The following KIF16B variants were observed in gnomAD, a reference collection of about 807,000 sequenced individuals.
The protein encoded by KIF16B is kinesin family member 16B, also known as kinesin-like protein KIF16B.
A neutral mutation model predicts 156.3 loss-of-function variants in KIF16B; 98 were observed. That is an observed-to-expected ratio of 0.63 (90% confidence interval 0.53 to 0.74). The LOEUF (loss-of-function observed/expected upper bound fraction) is 0.74. Among genes scored for constraint, KIF16B ranks in the 30% least tolerant of loss-of-function variants. The probability of loss-of-function intolerance (pLI) is 0.00; values close to 1 mark genes in which losing one functional copy is unlikely to be tolerated. For missense variants in KIF16B, 1,421 were observed against 1,606.5 expected (o/e 0.88, Z 1.97); for synonymous variants, 564 against 583.7 (o/e 0.97, Z 0.49).
chr20:16,386,699 T>G (rs1264991382), intron 17 of KIF16B, among the ~76,000 whole-genome samples: 1 of 151,926 alleles, frequency 6.6e-6, no homozygotes, highest in Non-Finnish European at 1.5e-5. Context: ...CAGAGAGGTC[T>G]CTGAGCGGGC....
chr20:16,559,486 C>G (rs2070977842), intron 1 of KIF16B, among the ~76,000 whole-genome samples: 1 of 152,070 alleles, frequency 6.6e-6, no homozygotes, highest in South Asian at 2.1e-4. Context: ...ACAGCAACAA[C>G]AACAACAAAG....
intron 1 of KIF16B, among the ~76,000 whole-genome samples, chr20:16,572,893 C>G (rs1281385905): frequency 6.6e-6 from 1 of 152,134 alleles, no homozygotes; most frequent in Non-Finnish European, 1.5e-5. Flanking sequence ...TGGTGCCCCC[C>G]CTCAGCACTC....
intron 12 of KIF16B, among the ~76,000 whole-genome samples, chr20:16,434,904 G>A (rs976238591): frequency 6.6e-6 from 1 of 152,128 alleles, no homozygotes; most frequent in African/African-American, 2.4e-5. Context: ...TCTGGGGGCT[G>A]GGGGTTGGGG....
intron 12 of KIF16B, among the ~76,000 whole-genome samples, chr20:16,441,628 T>C (rs947270424): frequency 9.2e-5 from 14 of 152,162 alleles, no homozygotes; most frequent in Non-Finnish European, 1.6e-4. Context: ...AGGAGCAGGA[T>C]CCAGGCATTT....
intron 19 of KIF16B, among the ~76,000 whole-genome samples, chr20:16,376,730 T>C (rs938974285): frequency 2.0e-5 from 3 of 152,228 alleles, no homozygotes; most frequent in African/African-American, 7.2e-5. Context: ...ACAGTATTAA[T>C]ACTAAATGGC....
chr20:16,430,594 T>A (rs1367186768), intron 12 of KIF16B, among the ~76,000 whole-genome samples: 1 of 152,082 alleles, frequency 6.6e-6, no homozygotes, highest in East Asian at 1.9e-4. Flanking sequence ...GAAAACTACC[T>A]CCAAAAAGTT....
chr20:16,512,898 A>T lies in KIF16B; in HGVS notation c.374T>A (p.Ile125Asn). ...TATCCGACTGAAGAGTCCTTCACAG[A>T]TCCGAGGTATTAAGCCAGAATCTCC... is the stretch of plus-strand genomic sequence containing the variant. ...NSGDSGLIPR[I>N]CEGLFSRINE... The change falls in exon 5 of 26, where the codon ATC (isoleucine) becomes AAC (asparagine). Residue 125 changes from isoleucine (I) to asparagine (N), a missense_variant. Transcript: ENST00000354981. 3.1e-6 allele frequency: 5 copies of T among 1,613,108 alleles called. No homozygotes were observed. In the Middle Eastern group the frequency reaches 4.9e-4, roughly 160 times the overall value.
intron 13 of KIF16B, 146 bp from the exon 14 acceptor site, chr20:16,429,150 C>A: frequency 1.4e-6 from 1 of 694,086 alleles, no homozygotes; most frequent in South Asian, 1.7e-5. Flanking sequence ...TCGAGAGCTC[C>A]CCAAGGCTCT....
At chr20:16,548,356 G>A (rs2070493294) in intron 1 of KIF16B, among the ~76,000 whole-genome samples, 1 of 152,204 alleles carries the variant, frequency 6.6e-6, no homozygotes, top group Admixed American at 6.5e-5. Context: ...GGCTGCAGAA[G>A]CTCCTTTCAG....
At position 16,272,535 on chromosome 20, in the gene KIF16B, T is replaced by C. The variant is rs147757061; in HGVS notation, c.*718A>G. On this transcript the variant is annotated 3_prime_UTR_variant, in exon 26 of 26. Transcript: ENST00000354981. ...AGAATGCACAGTAGCCATTTAGATT[T>C]GGGAGAATGTTCTTGAATATTCAAG... is the stretch of plus-strand genomic sequence containing the variant. 11 of 152,760 alleles carry C rather than the reference T, an allele frequency of 7.2e-5. No individual in the cohort carries two copies. In the East Asian group the frequency reaches 2.1e-3, roughly 29 times the overall value. The allele number at this position is 152,760 out of a possible 1,614,324, so 9.5% of individuals were successfully genotyped here.
At chr20:16,419,172 A>G (rs1462796580) in intron 15 of KIF16B, among the ~76,000 whole-genome samples, 1 of 152,120 alleles carries the variant, frequency 6.6e-6, no homozygotes, top group African/African-American at 2.4e-5. Flanking sequence ...GTCTGTTAAG[A>G]AGAGTTAGGG....
chr20:16,568,791 G>A (rs1600718193), intron 1 of KIF16B, among the ~76,000 whole-genome samples: 1 of 116,500 alleles, frequency 8.6e-6, no homozygotes, highest in Non-Finnish European at 1.6e-5. Context: ...CTGCACTCTA[G>A]CCTAGACAAC....
intron 1 of KIF16B, among the ~76,000 whole-genome samples, chr20:16,558,998 A>G (rs569894989): frequency 6.6e-6 from 1 of 152,110 alleles, no homozygotes; most frequent in South Asian, 2.1e-4. Flanking sequence ...GTGAAGATGA[A>G]AATATATTTA....
chr20:16,297,109 G>A (rs1444381659), intron 25 of KIF16B, among the ~76,000 whole-genome samples: 1 of 152,144 alleles, frequency 6.6e-6, no homozygotes, highest in Non-Finnish European at 1.5e-5. Flanking sequence ...CTGGTTCTGG[G>A]GCCTTCCCAC....
intron 10 of KIF16B, among the ~76,000 whole-genome samples, chr20:16,498,714 T>C (rs16997749): frequency 0.018 from 2,690 of 152,158 alleles, 79 homozygotes; most frequent in African/African-American, 0.062. Flanking sequence ...TCAGGAGGAC[T>C]ATCCTTATGC....
At chr20:16,349,777 T>C (rs1192678124) in intron 23 of KIF16B, among the ~76,000 whole-genome samples, 1 of 152,192 alleles carries the variant, frequency 6.6e-6, no homozygotes, top group African/African-American at 2.4e-5. Context: ...GCCCTGCAGT[T>C]CTGCAATTTA....
chr20:16,495,220 C>T (rs185571126), intron 11 of KIF16B, among the ~76,000 whole-genome samples: 1 of 152,234 alleles, frequency 6.6e-6, no homozygotes, highest in Admixed American at 6.5e-5. Context: ...TTCCTGCCAC[C>T]TCCTCACTCC....
intron 7 of KIF16B, among the ~76,000 whole-genome samples, chr20:16,507,453 C>T (rs960053029): frequency 3.9e-5 from 6 of 152,166 alleles, no homozygotes; most frequent in Admixed American, 2.0e-4. Context: ...ATAATTTCCA[C>T]AGATGTTCAA....
chr20:16,504,199 C>T (rs1292099686), intron 10 of KIF16B, among the ~76,000 whole-genome samples, 173 bp downstream of exon 10: 1 of 152,152 alleles, frequency 6.6e-6, no homozygotes, highest in Admixed American at 6.6e-5. Context: ...GTAATGAATG[C>T]AAAGGCTGAC....
Sources: allele counts gnomAD v4.1 joint callset (sites outside exome capture counted in the v4.1 genomes callset), GRCh38; gene constraint gnomAD v4.1.1; transcripts MANE v1.5; gene names NCBI Gene and HGNC (gene_info 2026-07-23, HGNC 2026-07-21).